FUT8: variants seen among roughly 807,000 people sequenced by gnomAD.
FUT8 encodes alpha-(1,6)-fucosyltransferase.
A neutral mutation model predicts 71.3 loss-of-function variants in FUT8; 29 were observed. That is an observed-to-expected ratio of 0.41 (90% CI 0.30 to 0.55). The LOEUF (loss-of-function observed/expected upper bound fraction) is 0.55. Ranked by LOEUF, FUT8 falls within the 20% of genes least tolerant of loss-of-function variation. The pLI, the probability that FUT8 is intolerant of heterozygous loss-of-function variation, is 0.34. For synonymous variants in FUT8, 254 were observed against 239.3 expected, an observed-to-expected ratio of 1.06 and a Z score of -0.57; for missense variants, 544 against 702.1, an observed-to-expected ratio of 0.77 and a Z score of 2.55.
intron 2 of FUT8, among the ~76,000 whole-genome samples, chr14:65,485,037 C>A (rs2066387782): frequency 6.6e-6 from 1 of 151,772 alleles, no homozygotes; most frequent in Non-Finnish European, 1.5e-5. Context: ...ATATGAAATG[C>A]ATTTAGAATA....
chr14:65,439,958 A>ATT (rs1566748162), intron 1 of FUT8, among the ~76,000 whole-genome samples: 1 of 72,084 alleles, frequency 1.4e-5, no homozygotes, highest in African/African-American at 6.8e-5. Context: ...GTGTGTGTAT[A>ATT]TATATATATA....
At chr14:65,519,942 CTAATTTTTG>C (rs1882969712) in intron 2 of FUT8, among the ~76,000 whole-genome samples, 1 of 152,030 alleles carries the variant, frequency 6.6e-6, no homozygotes, top group Non-Finnish European at 1.5e-5. Context: ...CTACACCTGG[CTAATTTTTG>C]TAATTTTTGT....
At chr14:65,414,995 G>A (rs1188345587) in intron 1 of FUT8, among the ~76,000 whole-genome samples, 3 of 151,910 alleles carry the variant, frequency 2.0e-5, no homozygotes, top group African/African-American at 7.3e-5. Flanking sequence ...GTATGGAATC[G>A]AAAAAAACAA....
chr14:65,465,645 G>A (rs1455691772), intron 2 of FUT8, among the ~76,000 whole-genome samples: 1 of 152,148 alleles, frequency 6.6e-6, no homozygotes. Flanking sequence ...ATTGTGGTGT[G>A]TCTATTTGTA....
intron 9 of FUT8, among the ~76,000 whole-genome samples, chr14:65,730,110 A>C (rs1037833128): frequency 6.6e-5 from 10 of 152,240 alleles, no homozygotes; most frequent in Non-Finnish European, 5.9e-5. Context: ...AGCATGAATT[A>C]ATCTATTATC....
intron 2 of FUT8, among the ~76,000 whole-genome samples, chr14:65,540,502 G>A (rs1884612320): frequency 6.6e-6 from 1 of 152,210 alleles, no homozygotes; most frequent in Admixed American, 6.5e-5. Flanking sequence ...GAAGATGGAA[G>A]CCAGGCATCT....
intron 6 of FUT8, among the ~76,000 whole-genome samples, chr14:65,651,617 A>G (rs137973219): frequency 2.0e-5 from 3 of 152,360 alleles, no homozygotes; most frequent in African/African-American, 7.2e-5. Flanking sequence ...TAAAGAAGCT[A>G]TAATAATAAA....
chr14:65,539,834 A>G (rs1405870751), intron 2 of FUT8, among the ~76,000 whole-genome samples: 7 of 152,226 alleles, frequency 4.6e-5, no homozygotes, highest in African/African-American at 1.7e-4. Context: ...TATGGATCCA[A>G]TATTTGTGGC....
intron 7 of FUT8, among the ~76,000 whole-genome samples, chr14:65,692,498 C>G (rs1215956012): frequency 2.8e-5 from 1 of 35,390 alleles, no homozygotes. Flanking sequence ...GCTGGCCGGG[C>G]GGGGGGCTGA....
chr14:65,394,377 C>G, the FUT8 span, among the ~76,000 whole-genome samples: 7 of 152,306 alleles, frequency 4.6e-5, no homozygotes, highest in Admixed American at 4.6e-4. Flanking sequence ...TCTCACAACA[C>G]ATGGGAATTA....
the FUT8 span, among the ~76,000 whole-genome samples, chr14:65,359,686 T>C: frequency 6.6e-6 from 1 of 152,390 alleles, no homozygotes; most frequent in South Asian, 2.1e-4. Flanking sequence ...GGCTGAATAA[T>C]AATCCATTGT....
At chr14:65,712,244 A>C (rs1408707691) in intron 7 of FUT8, among the ~76,000 whole-genome samples, 1 of 152,186 alleles carries the variant, frequency 6.6e-6, no homozygotes, top group African/African-American at 2.4e-5. Flanking sequence ...TGGCTATCAC[A>C]TTTTGGATTA....
chr14:65,556,755 G>A (rs993611352), intron 2 of FUT8, among the ~76,000 whole-genome samples: 17 of 152,158 alleles, frequency 1.1e-4, no homozygotes, highest in African/African-American at 4.1e-4. Flanking sequence ...AATTGTAAAT[G>A]GGTCTATAAA....
intron 5 of FUT8, among the ~76,000 whole-genome samples, chr14:65,621,143 AC>A (rs1889584761): frequency 6.6e-6 from 1 of 152,220 alleles, no homozygotes; most frequent in Non-Finnish European, 1.5e-5. Flanking sequence ...ATAATCACTT[AC>A]TAAGGATTTC....
At chr14:65,642,594 C>A (rs1890891759) in intron 6 of FUT8, among the ~76,000 whole-genome samples, 1 of 118,190 alleles carries the variant, frequency 8.5e-6, no homozygotes, top group Non-Finnish European at 1.7e-5. Flanking sequence ...CAGAGTGAGA[C>A]TCCGTCTCAA....
rs138184604 is a variant in FUT8, at chr14:65,440,569, C to A, written c.-325-15052C>A. 4.1e-4 allele frequency among the ~76,000 whole-genome samples: 62 copies of A among 152,222 alleles called. 1 individual carries two copies. In the East Asian group the frequency reaches 0.012, roughly 29 times the overall value. ...GGTATGTTAATTAGCTTGATTTAAT[C>A]ATTCCACAGCGTACACATATATGAA... On this transcript the variant is annotated intron_variant, in intron 1 of 10. Coordinates refer to ENST00000673929, the MANE Select transcript of FUT8 (RefSeq NM_001371533.1).
At chr14:65,588,924 T>C (rs768496112) in intron 3 of FUT8, among the ~76,000 whole-genome samples, 2 of 152,176 alleles carry the variant, frequency 1.3e-5, no homozygotes, top group Non-Finnish European at 2.9e-5. Context: ...CCACTAGGGG[T>C]CTTGGAACAG....
intron 9 of FUT8, among the ~76,000 whole-genome samples, chr14:65,730,218 C>T (rs1431506902): frequency 6.6e-6 from 1 of 152,170 alleles, no homozygotes; most frequent in African/African-American, 2.4e-5. Flanking sequence ...AGTGTTCACA[C>T]AGTCAGAGGT....
intron 7 of FUT8, among the ~76,000 whole-genome samples, chr14:65,720,404 C>T (rs544844030): frequency 3.9e-5 from 6 of 152,356 alleles, no homozygotes; most frequent in Admixed American, 3.3e-4. Flanking sequence ...GAGTGCCATA[C>T]AAGAGCCAAG....
Sources: gnomAD v4.1 joint callset for allele counts (sites outside exome capture counted in the v4.1 genomes callset) on GRCh38, gnomAD v4.1.1 for gene constraint, MANE v1.5 for transcripts, NCBI Gene and HGNC (gene_info 2026-07-23, HGNC 2026-07-21) for gene names.